The following LETM1 variants were observed in gnomAD, a reference collection of about 807,000 sequenced individuals.
LETM1 encodes the protein mitochondrial proton/calcium exchanger protein.
In LETM1, 50 loss-of-function variants were observed where a neutral mutation model predicts 74.5. The ratio of observed to expected loss-of-function variants is 0.67; its 90% CI spans 0.53 to 0.85. The LOEUF (loss-of-function observed/expected upper bound fraction) is 0.85. Among genes scored for constraint, LETM1 ranks in the 40% least tolerant of loss-of-function variants. The pLI is 0.00. For missense variants in LETM1, 824 were observed against 967.8 expected (o/e 0.85, Z 1.97); for synonymous variants, 446 against 407.1 (o/e 1.10, Z -1.15).
chr4:1,815,316 C>G (rs1427262443), intron 13 of LETM1, among the ~76,000 whole-genome samples: 1 of 152,182 alleles, frequency 6.6e-6, no homozygotes, highest in Non-Finnish European at 1.5e-5. Flanking sequence ...GAAGTGCCCC[C>G]AGGCTCCCTG....
chr4:1,838,164 A>C (rs140628743), intron 3 of LETM1, among the ~76,000 whole-genome samples: 2,090 of 151,558 alleles, frequency 0.014, 28 homozygotes, highest in African/African-American at 0.034. Context: ...AGTGGGCGCG[A>C]TCTCGGCTCA....
rs1271421625 is a variant in LETM1, at chr4:1,836,062, G to A, written c.738+367C>T. On this transcript the variant is annotated intron_variant, in intron 4 of 13. Coordinates refer to ENST00000302787, the MANE Select transcript of LETM1 (RefSeq NM_012318.3). This position sits in a 1 kb window ranked among gnomAD's most constrained non-coding sequence, Gnocchi z 5.8. ...TGCACTCCAGCCTGGGTGACAGGGC[G>A]AGACCTGTGTATGGTGGCACACATG... Among the ~76,000 whole-genome samples, 5 of 152,000 alleles carry A rather than the reference G, an allele frequency of 3.3e-5. No individual in the cohort carries two copies. Among genetic ancestry groups the A allele is most frequent in the Admixed American group, 2.0e-4 (3 of 15,258 alleles).
In LETM1 at chr4:1,836,655, G is replaced by A; in HGVS notation, c.595-83C>T. On this transcript the variant is annotated intron_variant, in intron 3 of 13. Transcript: ENST00000302787. This position sits in a 1 kb window ranked among gnomAD's most constrained non-coding sequence, Gnocchi z 5.8. ...GGGTGTGAGCATTTCTCCTATAATG[G>A]TTTATAGGCACAACCTCAGGCAGCG... 6.9e-7 allele frequency: 1 copy of A among 1,455,068 alleles called. No homozygotes were observed. Among genetic ancestry groups the A allele is most frequent in the Non-Finnish European group, 9.5e-7 (1 of 1,048,738 alleles). 90.1% of individuals were successfully genotyped at this position (1,455,068 alleles called of 1,614,324 possible).
intron 6 of LETM1, among the ~76,000 whole-genome samples, chr4:1,826,030 G>A (rs1033873713): frequency 6.6e-6 from 1 of 152,176 alleles, no homozygotes; most frequent in African/African-American, 2.4e-5. Flanking sequence ...GGAAAAGAAG[G>A]AGGGATGGAA....
intron 8 of LETM1, among the ~76,000 whole-genome samples, 153 bp from the exon 9 acceptor site, chr4:1,823,284 A>T (rs1467439042): frequency 2.0e-5 from 3 of 152,192 alleles, no homozygotes; most frequent in Non-Finnish European, 4.4e-5. Context: ...GCTGCCCGCA[A>T]TTGCTGGGAG....
chr4:1,847,062 G>A (rs1444251308), intron 2 of LETM1, among the ~76,000 whole-genome samples: 2 of 150,438 alleles, frequency 1.3e-5, no homozygotes, highest in African/African-American at 5.0e-5. Flanking sequence ...CGGGTGCAGT[G>A]GCTCACACCT....
chr4:1,820,932 G>A (rs1711752925), intron 10 of LETM1, among the ~76,000 whole-genome samples: 1 of 152,170 alleles, frequency 6.6e-6, no homozygotes, highest in African/African-American at 2.4e-5. Context: ...GCTGAGGCAG[G>A]AGAATCACTT....
chr4:1,837,521 T>C (rs1312454798), intron 3 of LETM1, among the ~76,000 whole-genome samples: 1 of 152,168 alleles, frequency 6.6e-6, no homozygotes, highest in African/African-American at 2.4e-5. Flanking sequence ...GTGCCATATT[T>C]GGGCAGGACA....
rs1711583057 is a variant in LETM1, at chr4:1,816,755, G to A, written c.1903C>T (p.Leu635=). The change falls in exon 12 of 14, where the codon CTG becomes TTG. Residue 635 remains leucine, a synonymous_variant. Coordinates refer to ENST00000302787, the MANE Select transcript of LETM1 (RefSeq NM_012318.3). ...QLEMDQQAGK[L]APANGMPTGE... Reference sequence around the variant, plus strand: ...GTGGGCATGCCGTTGGCCGGGGCCAGCTTGCCAGCCTGCTGGTCCATCTCC... The same window carrying A: ...GTGGGCATGCCGTTGGCCGGGGCCAACTTGCCAGCCTGCTGGTCCATCTCC... 1 of 1,614,182 alleles carries A rather than the reference G, an allele frequency of 6.2e-7. No individual in the cohort carries two copies. The highest frequency in any genetic ancestry group is 8.5e-7 in the Non-Finnish European group (1 of 1,180,002).
Position 1,814,040 on chromosome 4 carries a change from C to T in LETM1, c.*384G>A, listed in dbSNP as rs1449987471. 1.6e-5 allele frequency: 4 copies of T among 244,222 alleles called. 1 individual carries two copies. The highest frequency in any genetic ancestry group is 1.4e-4 in the Admixed American group (3 of 20,920). 15.1% of individuals were successfully genotyped at this position (244,222 alleles called of 1,614,324 possible). A position where few individuals can be genotyped will look rare whatever the true frequency, so the allele number is the denominator to read the frequency against. The stretch of plus-strand genomic sequence containing the variant: ...ACGCCCCTGAGGGTGGGCACAGCAG[C>T]CAGCTCTGTGTGGGCGGAGTCCACG... On this transcript the variant is annotated 3_prime_UTR_variant, in exon 14 of 14. Coordinates refer to ENST00000302787, the MANE Select transcript of LETM1 (RefSeq NM_012318.3).
At position 1,834,779 on chromosome 4, in the gene LETM1, A is replaced by T; in HGVS notation, c.876+66T>A. ...AGCTCCACTCTGCTGAGCACAGCGA[A>T]AGGGAAACAGAAAATCAGGGAAGGC... On this transcript the variant is annotated intron_variant, in intron 5 of 13. Transcript: ENST00000302787. This position sits in a 1 kb window ranked among gnomAD's most constrained non-coding sequence, Gnocchi z 5.0. 6.3e-7 allele frequency: 1 copy of T among 1,599,554 alleles called. No individual in the cohort carries two copies. The highest frequency in any genetic ancestry group is 8.5e-7 in the Non-Finnish European group (1 of 1,171,096).
chr4:1,815,912 G>A (rs982876742), intron 12 of LETM1, 110 bp from the exon 13 acceptor site: 10 of 1,351,814 alleles, frequency 7.4e-6, no homozygotes, highest in African/African-American at 2.9e-5. Context: ...GCGGCTCCGC[G>A]TGAGCCAGGC....
intron 2 of LETM1, among the ~76,000 whole-genome samples, chr4:1,843,818 G>A (rs1712787834): frequency 6.6e-6 from 1 of 152,158 alleles, no homozygotes; most frequent in African/African-American, 2.4e-5. Flanking sequence ...AGGGGCCCCT[G>A]AATCCATGCA....
rs1357771486 is a variant in LETM1, at chr4:1,841,322, A to G, written c.594+25T>C. 9 of 1,590,756 alleles carry G rather than the reference A, an allele frequency of 5.7e-6. No homozygotes were observed. In the Admixed American group the frequency reaches 1.5e-4, roughly 27 times the overall value. ...TGGGTGATAGAGCAAGAAAGAAAAG[A>G]AAGGACTAGACATGTCCCCATTACC... is the stretch of plus-strand genomic sequence containing the variant. On this transcript the variant is annotated intron_variant, in intron 3 of 13. Coordinates refer to ENST00000302787, the MANE Select transcript of LETM1 (RefSeq NM_012318.3).
chr4:1,824,736 C>T (rs1355715883), intron 7 of LETM1, among the ~76,000 whole-genome samples: 1 of 152,224 alleles, frequency 6.6e-6, no homozygotes, highest in Non-Finnish European at 1.5e-5. Flanking sequence ...GCTCAGACAC[C>T]CCTGTGTGTG....
chr4:1,847,344 C>CAA (rs113701702), intron 2 of LETM1, among the ~76,000 whole-genome samples: 3 of 102,410 alleles, frequency 2.9e-5, no homozygotes, highest in South Asian at 3.0e-4. Flanking sequence ...GATCCTGTCT[C>CAA]AAAAAAAAAA....
At chr4:1,828,127 C>T (rs1162882069) in intron 6 of LETM1, among the ~76,000 whole-genome samples, 1 of 100,836 alleles carries the variant, frequency 9.9e-6, no homozygotes, top group Non-Finnish European at 2.0e-5. Context: ...CCGGACGGGG[C>T]GGCTGGCCGG....
intron 2 of LETM1, among the ~76,000 whole-genome samples, chr4:1,845,803 T>G (rs1168420969): frequency 6.6e-6 from 1 of 151,926 alleles, no homozygotes; most frequent in Non-Finnish European, 1.5e-5. Flanking sequence ...CGCCTCGGAT[T>G]ACAGGCATGA....
intron 10 of LETM1, among the ~76,000 whole-genome samples, chr4:1,820,911 C>T (rs2108837295): frequency 6.6e-6 from 1 of 152,096 alleles, no homozygotes; most frequent in Non-Finnish European, 1.5e-5. Flanking sequence ...ATAATCCCAG[C>T]TACTCGGGAG....
Sources: gnomAD v4.1 joint callset for allele counts (sites outside exome capture counted in the v4.1 genomes callset) on GRCh38, gnomAD v4.1.1 for gene constraint, Gnocchi (gnomAD v3.1) non-coding constraint, MANE v1.5 for transcripts, NCBI Gene and HGNC (gene_info 2026-07-23, HGNC 2026-07-21) for gene names.